KLB: variants seen among roughly 807,000 people sequenced by gnomAD.
The protein encoded by KLB is beta-klotho.
Under a neutral mutation model 88.4 loss-of-function variants are expected in KLB, and 44 were observed. The observed-to-expected ratio is 0.50, with a 90% confidence interval of 0.39 to 0.64. KLB has a LOEUF of 0.64. Among genes scored for constraint, KLB ranks in the 30% least tolerant of loss-of-function variants. The probability of loss-of-function intolerance (pLI) is 0.00; values close to 1 mark genes in which losing one functional copy is unlikely to be tolerated. For missense variants in KLB, 1,137 were observed against 1,304.8 expected (o/e 0.87, Z 1.98); for synonymous variants, 548 against 513.4 (o/e 1.07, Z -0.91).
chr4:39,408,660 G>A (rs1489297302), intron 1 of KLB, among the ~76,000 whole-genome samples: 2 of 152,134 alleles, frequency 1.3e-5, no homozygotes, highest in Non-Finnish European at 1.5e-5. Flanking sequence ...AAATACAGCT[G>A]TTGTGGACAT....
At chr4:39,416,188 C>G (rs1006859378) in intron 1 of KLB, among the ~76,000 whole-genome samples, 1 of 151,856 alleles carries the variant, frequency 6.6e-6, no homozygotes, top group African/African-American at 2.4e-5. Context: ...AGATATGTCT[C>G]TTTAAAATAT....
chr4:39,409,578 T>A (rs920122522), intron 1 of KLB, among the ~76,000 whole-genome samples: 1 of 150,980 alleles, frequency 6.6e-6, no homozygotes, highest in Admixed American at 6.6e-5. Context: ...TGTGAGCCAC[T>A]GCGCTCAGCC....
intron 1 of KLB, among the ~76,000 whole-genome samples, chr4:39,415,300 T>A (rs1275732303): frequency 2.0e-5 from 3 of 152,174 alleles, no homozygotes; most frequent in Admixed American, 1.3e-4. Flanking sequence ...AGTATCATTA[T>A]GTACTATTGT....
rs1743840803 is a variant in KLB at position 39,449,443 on chromosome 4, G to A, written c.*757G>A. On this transcript the variant is annotated 3_prime_UTR_variant, in exon 5 of 5. Transcript: ENST00000257408. Reference sequence around the variant, plus strand: ...ATATATATTCTGTCACTTCTAATAAGGTGCCTTCTCCTTTAGGTCAGGGTG... The same window carrying A: ...ATATATATTCTGTCACTTCTAATAAAGTGCCTTCTCCTTTAGGTCAGGGTG... 6.6e-6 allele frequency: 1 copy of A among 151,840 alleles called. No homozygotes were observed. The highest frequency in any genetic ancestry group is 2.4e-5 in the African/African-American group (1 of 41,294). The allele number at this position is 151,840 out of a possible 1,614,324, so 9.4% of individuals were successfully genotyped here.
intron 3 of KLB, among the ~76,000 whole-genome samples, chr4:39,443,289 G>A (rs116460614): frequency 5.4e-3 from 821 of 151,894 alleles, no homozygotes; most frequent in Non-Finnish European, 8.8e-3. Flanking sequence ...TTGAGAGGCC[G>A]ATGTGGGTAG....
Position 39,407,659 on chromosome 4 carries a change from T to C in KLB, c.710T>C (p.Ile237Thr). The change falls in exon 1 of 5, where the codon ATT (isoleucine) becomes ACT (threonine). Residue 237 changes from isoleucine to threonine, a missense_variant. By Grantham distance (89) the Ile-to-Thr change is moderately conservative. This residue lies in a region of KLB where 597 missense variants were observed against 765.2 expected (regional missense o/e 0.78). Transcript: ENST00000257408. Reference sequence around the variant, plus strand: ...TTTGGGGACCGTGTCAAATATTGGATTACAATTCACAACCCATATCTAGTG... The same window carrying C: ...TTTGGGGACCGTGTCAAATATTGGACTACAATTCACAACCCATATCTAGTG... ...QMFGDRVKYWITIHNPYLVAW... is the reference protein window; with the variant it reads ...QMFGDRVKYWTTIHNPYLVAW... 2 of 1,614,032 alleles carry C rather than the reference T, an allele frequency of 1.2e-6. No individual in the cohort carries two copies. Among genetic ancestry groups the C allele is most frequent in the Non-Finnish European group, 1.7e-6 (2 of 1,179,922 alleles).
intron 1 of KLB, among the ~76,000 whole-genome samples, chr4:39,422,824 T>A (rs1012219149): frequency 6.6e-6 from 1 of 151,842 alleles, no homozygotes; most frequent in Non-Finnish European, 1.5e-5. Context: ...TGCAGTGGTG[T>A]TATCTTGGTT....
intron 3 of KLB, among the ~76,000 whole-genome samples, chr4:39,440,475 G>A (rs1578213003): frequency 6.6e-6 from 1 of 152,016 alleles, no homozygotes; most frequent in South Asian, 2.1e-4. Flanking sequence ...AGAAGCATAT[G>A]GAAAGACAAG....
At chr4:39,424,334 G>A (rs928393179) in intron 1 of KLB, among the ~76,000 whole-genome samples, 1 of 151,852 alleles carries the variant, frequency 6.6e-6, no homozygotes, top group African/African-American at 2.4e-5. Flanking sequence ...GCTTCCCAAA[G>A]TGCTGGGATT....
At chr4:39,428,805 T>C (rs1462290713) in intron 1 of KLB, among the ~76,000 whole-genome samples, 1 of 152,174 alleles carries the variant, frequency 6.6e-6, no homozygotes, top group Non-Finnish European at 1.5e-5. Context: ...CTCCCAGGGT[T>C]CAAGCCATTC....
Position 39,447,444 on chromosome 4 carries a change from C to T in KLB, c.2718C>T (p.Tyr906=), listed in dbSNP as rs1743781370. 1 of 1,602,026 alleles carries T rather than the reference C, an allele frequency of 6.2e-7. No homozygotes were observed. The change falls in exon 4 of 5, where the codon TAC becomes TAT. Residue 906 remains tyrosine (Y), a synonymous_variant. Transcript: ENST00000257408. ...ALEDDRLRKY[Y]LGKYLQEVLK... ...AGGATGACCGGCTCCGGAAGTACTA[C>T]CTAGGGAAGTACCTTCAGGAGGTGC... is the stretch of plus-strand genomic sequence containing the variant.
At chr4:39,438,771 GTTA>G (rs1037235320) in intron 3 of KLB, among the ~76,000 whole-genome samples, 3 of 151,990 alleles carry the variant, frequency 2.0e-5, no homozygotes, top group South Asian at 2.1e-4. Context: ...CCTTTTAGTT[GTTA>G]TTATTATTAT....
Position 39,430,314 on chromosome 4 carries a change from T to C in KLB, c.826-3896T>C, listed in dbSNP as rs563274220. On this transcript the variant is annotated intron_variant, in intron 1 of 4. Transcript: ENST00000257408. ...CTGGGTCTTCCATGAATGATAGCTC[T>C]AAGGCTACCAAGGGATTAAGTGACT... Among the ~76,000 whole-genome samples the C allele has an allele frequency of 1.4e-3, 205 of 149,922 alleles. 2 individuals carry two copies. Among genetic ancestry groups the C allele is most frequent in the Non-Finnish European group, 1.4e-3 (97 of 67,734 alleles).
intron 2 of KLB, among the ~76,000 whole-genome samples, chr4:39,435,515 T>A (rs1261331245): frequency 6.6e-6 from 1 of 151,596 alleles, no homozygotes; most frequent in African/African-American, 2.4e-5. Flanking sequence ...AACCTCCACC[T>A]CCCAGGTTCA....
chr4:39,420,923 C>T (rs1242752549), intron 1 of KLB, among the ~76,000 whole-genome samples: 3 of 152,136 alleles, frequency 2.0e-5, no homozygotes, highest in Admixed American at 2.0e-4. Flanking sequence ...ACTCCCTAAC[C>T]ACACACCACG....
intron 1 of KLB, among the ~76,000 whole-genome samples, chr4:39,428,376 TGAG>T (rs1464526417): frequency 6.7e-6 from 1 of 149,950 alleles, no homozygotes; most frequent in Non-Finnish European, 1.5e-5. Context: ...TGCAGTGAGC[TGAG>T]ATCACACCAT....
intron 1 of KLB, among the ~76,000 whole-genome samples, chr4:39,413,602 T>C (rs1410403719): frequency 6.6e-6 from 1 of 151,852 alleles, no homozygotes; most frequent in African/African-American, 2.4e-5. Context: ...CACATACCTG[T>C]AGTCCCAGCT....
chr4:39,410,270 T>C (rs780357821), intron 1 of KLB, among the ~76,000 whole-genome samples: 2 of 152,238 alleles, frequency 1.3e-5, no homozygotes, highest in Non-Finnish European at 2.9e-5. Flanking sequence ...CCAAACATAG[T>C]TGATAAAATG....
intron 1 of KLB, among the ~76,000 whole-genome samples, chr4:39,424,926 G>A (rs987086007): frequency 6.6e-6 from 1 of 152,026 alleles, no homozygotes; most frequent in Admixed American, 6.6e-5. Context: ...ACTGTGCCAG[G>A]CCTCCATGGT....
Sources: allele counts gnomAD v4.1 joint callset (sites outside exome capture counted in the v4.1 genomes callset), GRCh38; gene constraint gnomAD v4.1.1; regional missense constraint gnomAD v4.1.1; transcripts MANE v1.5; gene names NCBI Gene and HGNC (gene_info 2026-07-23, HGNC 2026-07-21).